ADGRF4: variants seen among roughly 807,000 people sequenced by gnomAD.
ADGRF4 encodes the protein adhesion G protein-coupled receptor F4, also known as G-protein coupled receptor PGR18.
In ADGRF4, 63 loss-of-function variants were observed where a neutral mutation model predicts 58.5. The observed-to-expected ratio is 1.08, with a 90% CI of 0.88 to 1.33. ADGRF4 has a LOEUF of 1.33. ADGRF4 is among the 40% of genes most tolerant of loss of function. The pLI is 0.00. For synonymous variants in ADGRF4, 313 were observed against 295.4 expected (o/e 1.06, Z -0.61); for missense variants, 931 against 843.9 (o/e 1.10, Z -1.28).
intron 5 of ADGRF4, 69 bp from the exon 6 acceptor site, chr6:47,713,729 G>T: frequency 7.9e-7 from 1 of 1,268,390 alleles, no homozygotes; most frequent in South Asian, 2.0e-5. Context: ...GAAATTTCAG[G>T]TTTTAGAAAT....
rs1301031483 is a variant in ADGRF4, at chr6:47,713,997, C to T, written c.752C>T (p.Thr251Ile). ...QTKGFHINHN[T>I]SEKSLNFSMS... ...AAAGGGTTTCACATCAACCATAATA[C>T]CTCAGAGAAAAGCCTCAATTTCTCC... The change falls in exon 6 of 10, where the codon ACC becomes ATC. Residue 251 changes from threonine to isoleucine, a missense_variant. Transcript: ENST00000283303. 1 of 1,604,934 alleles carries T rather than the reference C, an allele frequency of 6.2e-7. No individual in the cohort carries two copies. Among genetic ancestry groups the T allele is most frequent in the Non-Finnish European group, 8.5e-7 (1 of 1,175,244 alleles).
At chr6:47,708,334 G>A (rs1271096057) in intron 3 of ADGRF4, 56 bp downstream of exon 3, 27 of 1,346,148 alleles carry the variant, frequency 2.0e-5, no homozygotes, top group Non-Finnish European at 2.7e-5. Context: ...AATAAAGGAA[G>A]GGCACTGATG....
intron 1 of ADGRF4, among the ~76,000 whole-genome samples, chr6:47,706,554 C>T (rs538234553): frequency 6.2e-4 from 94 of 152,228 alleles, no homozygotes; most frequent in African/African-American, 2.0e-3. Context: ...CAATTGAGGG[C>T]GGGTAGTGAG....
chr6:47,717,401 G>A (rs760897976), intron 8 of ADGRF4, 50 bp downstream of exon 8: 38 of 1,222,958 alleles, frequency 3.1e-5, no homozygotes, highest in Admixed American at 5.0e-5. Flanking sequence ...TGTCCTTGCC[G>A]GTTATGCAGA....
At chr6:47,721,180 A>G (rs149979515) in intron 9 of ADGRF4, 29 bp from the exon 10 acceptor site, 1 of 152,336 alleles carries the variant, frequency 6.6e-6, no homozygotes, top group East Asian at 1.9e-4. Flanking sequence ...TATTCTTGCT[A>G]TTAATTGTTT....
intron 1 of ADGRF4, among the ~76,000 whole-genome samples, chr6:47,702,605 A>G (rs1049141054): frequency 3.3e-5 from 5 of 152,242 alleles, no homozygotes; most frequent in Non-Finnish European, 7.3e-5. Flanking sequence ...TTGTTCCAGC[A>G]TTATTCTGTC....
Position 47,712,411 on chromosome 6 carries a change from A to G in ADGRF4, c.355A>G (p.Ile119Val), listed in dbSNP as rs772683866. ...AGCAGCACCATCTATACCTCTGCAT[A>G]TTCTAGACTTTCGAGCTCCAGAGAC... Reference protein sequence around the residue: ...SVAAPSIPLHILDFRAPETIE... With the variant: ...SVAAPSIPLHVLDFRAPETIE... The change falls in exon 5 of 10, where the codon ATT becomes GTT. Residue 119 changes from isoleucine (I) to valine (V), a missense_variant. Coordinates refer to ENST00000283303, the MANE Select transcript of ADGRF4 (RefSeq NM_153838.5). 1.9e-6 allele frequency: 3 copies of G among 1,613,946 alleles called. No homozygotes were observed. Among genetic ancestry groups the G allele is most frequent in the South Asian group, 2.2e-5 (2 of 91,074 alleles).
chr6:47,700,841 C>T (rs963658869), intron 1 of ADGRF4, among the ~76,000 whole-genome samples: 6 of 152,174 alleles, frequency 3.9e-5, no homozygotes, highest in African/African-American at 1.4e-4. Context: ...GAATCATTTC[C>T]CAATTCATTC....
chr6:47,705,346 A>T (rs1771684982), intron 1 of ADGRF4, among the ~76,000 whole-genome samples: 1 of 152,212 alleles, frequency 6.6e-6, no homozygotes, highest in South Asian at 2.1e-4. Flanking sequence ...TCTATCTTGG[A>T]CAATATTCAC....
chr6:47,711,505 C>T, intron 4 of ADGRF4, among the ~76,000 whole-genome samples: 1 of 152,196 alleles, frequency 6.6e-6, no homozygotes, highest in Admixed American at 6.5e-5. Context: ...TCGTGATCTG[C>T]CCACCTCGGC....
At chr6:47,712,293 C>T in intron 4 of ADGRF4, 64 bp from the exon 5 acceptor site, 1 of 1,537,456 alleles carries the variant, frequency 6.5e-7, no homozygotes, top group South Asian at 1.2e-5. Context: ...GCTTTAACTC[C>T]TTTAGTCTGA....
chr6:47,717,352 G>C lies in ADGRF4; in HGVS notation c.2034+1G>C. ...GAAGGGGAAATCGAGGGCAGCTGAG[G>C]TAAGCCTTCCCCTTTTAGTCTCAGC... is the stretch of plus-strand genomic sequence containing the variant. On this transcript the variant is annotated splice_donor_variant, in intron 8 of 9. Transcript: ENST00000283303. LOFTEE classifies it high-confidence loss of function. The C allele has an allele frequency of 1.2e-6, 2 of 1,605,236 alleles. No homozygotes were observed. The highest frequency in any genetic ancestry group is 1.7e-6 in the Non-Finnish European group (2 of 1,171,898).
intron 8 of ADGRF4, among the ~76,000 whole-genome samples, 156 bp downstream of exon 8, chr6:47,717,507 T>C (rs1380101860): frequency 6.6e-6 from 1 of 152,132 alleles, no homozygotes; most frequent in African/African-American, 2.4e-5. Context: ...AAATTTGGAG[T>C]GTTCTGCTAA....
intron 3 of ADGRF4, 146 bp downstream of exon 3, chr6:47,708,424 T>C: frequency 1.7e-6 from 1 of 600,308 alleles, no homozygotes; most frequent in Non-Finnish European, 3.0e-6. Context: ...CCAGTATTGA[T>C]AGATTCTCTT....
intron 1 of ADGRF4, among the ~76,000 whole-genome samples, chr6:47,699,445 G>A (rs1427126795): frequency 6.6e-6 from 1 of 152,174 alleles, no homozygotes; most frequent in Non-Finnish European, 1.5e-5. Flanking sequence ...CAATTGCTGG[G>A]CGTATAAATT....
At position 47,714,358 on chromosome 6, in the gene ADGRF4, G is replaced by A. The variant is rs1247513344; in HGVS notation, c.1113G>A (p.Arg371=). 6.2e-7 allele frequency: 1 copy of A among 1,614,042 alleles called. No homozygotes were observed. Among genetic ancestry groups the A allele is most frequent in the Non-Finnish European group, 8.5e-7 (1 of 1,180,024 alleles). ...EKACQMMLDI[R]NEVKCRCNYT... is the part of the protein sequence containing the mutation. Reference sequence around the variant, plus strand: ...CGTGCCAAATGATGTTGGATATCAGGAACGAAGTGAAATGCCGCTGTAACT... The same window carrying A: ...CGTGCCAAATGATGTTGGATATCAGAAACGAAGTGAAATGCCGCTGTAACT... The change falls in exon 6 of 10, where the codon AGG becomes AGA. Residue 371 remains arginine (R), a synonymous_variant. Transcript: ENST00000283303.
At chr6:47,701,151 A>T (rs1771579944) in intron 1 of ADGRF4, among the ~76,000 whole-genome samples, 1 of 152,056 alleles carries the variant, frequency 6.6e-6, no homozygotes, top group African/African-American at 2.4e-5. Context: ...TAACTCTCTG[A>T]GGCCAGCAAA....
chr6:47,715,195 G>T lies in ADGRF4; in HGVS notation c.1932+18G>T, dbSNP rs1392360458. 1.3e-6 allele frequency: 2 copies of T among 1,540,312 alleles called. No homozygotes were observed. Among genetic ancestry groups the T allele is most frequent in the East Asian group, 2.3e-5 (1 of 43,880 alleles). On this transcript the variant is annotated intron_variant, in intron 6 of 9. Coordinates refer to ENST00000283303, the MANE Select transcript of ADGRF4 (RefSeq NM_153838.5). ...CTTTCCAGGTAAGTTCCAAGAGGGA[G>T]ACTTTTCTGTGTTACTCCGACTAGA...
chr6:47,714,349 G>A lies in ADGRF4; in HGVS notation c.1104G>A (p.Leu368=), dbSNP rs1346474081. 2 of 1,614,122 alleles carry A rather than the reference G, an allele frequency of 1.2e-6. No individual in the cohort carries two copies. The highest frequency in any genetic ancestry group is 1.3e-5 in the African/African-American group (1 of 75,028). Residue 368 remains leucine (L), a synonymous_variant, in exon 6 of 10, where the codon TTG becomes TTA. Transcript: ENST00000283303. ...RWDEKACQMM[L]DIRNEVKCRC... ...ATGAGAAAGCGTGCCAAATGATGTT[G>A]GATATCAGGAACGAAGTGAAATGCC... is the stretch of plus-strand genomic sequence containing the variant.
Sources: gnomAD v4.1 joint callset for allele counts (sites outside exome capture counted in the v4.1 genomes callset) on GRCh38, gnomAD v4.1.1 for gene constraint, MANE v1.5 for transcripts, NCBI Gene and HGNC (gene_info 2026-07-23, HGNC 2026-07-21) for gene names.